Variants in HACL1 observed in about 807,000 individuals in gnomAD.
HACL1 encodes 2-hydroxyacyl-CoA lyase 1.
Under a neutral mutation model 74.2 loss-of-function variants are expected in HACL1, and 64 were observed. The ratio of observed to expected loss-of-function variants is 0.86; its 90% CI spans 0.70 to 1.06. The LOEUF (loss-of-function observed/expected upper bound fraction) is 1.06, where lower values mean the gene tolerates loss of function less well. Ranked by LOEUF, HACL1 falls within the 50% of genes least tolerant of loss-of-function variation. The pLI, the probability that HACL1 is intolerant of heterozygous loss-of-function variation, is 0.00. For synonymous variants in HACL1, 230 were observed against 238.8 expected (o/e 0.96, Z 0.34); for missense variants, 728 against 719.7 (o/e 1.01, Z -0.13).
At chr3:15,589,666 A>C in intron 4 of HACL1, 54 bp from the exon 5 acceptor site, 1 of 992,480 alleles carries the variant, frequency 1.0e-6, no homozygotes, top group Non-Finnish European at 1.6e-6. Context: ...ATCATGTAAA[A>C]CACTAAACAC....
At chr3:15,570,245 G>A (rs935347516) in intron 12 of HACL1, among the ~76,000 whole-genome samples, 1 of 151,332 alleles carries the variant, frequency 6.6e-6, no homozygotes, top group Non-Finnish European at 1.5e-5. Context: ...TGATGCAGGA[G>A]AATTGCTTAA....
chr3:15,600,539 A>G (rs2064189617), intron 2 of HACL1, among the ~76,000 whole-genome samples: 1 of 152,206 alleles, frequency 6.6e-6, no homozygotes, highest in African/African-American at 2.4e-5. Context: ...AAAAAGCATC[A>G]GGCTAGGATC....
intron 10 of HACL1, 57 bp from the exon 11 acceptor site, chr3:15,573,299 A>G: frequency 1.0e-6 from 1 of 976,594 alleles, no homozygotes; most frequent in South Asian, 1.3e-5. Context: ...AATATGTAAG[A>G]AGGCAATTAC....
Position 15,591,886 on chromosome 3 carries a change from GTATA to G in HACL1, c.228-210_228-207del, listed in dbSNP as rs201660306. Among the ~76,000 whole-genome samples the G allele has an allele frequency of 9.3e-3, 1,382 of 148,766 alleles. 15 individuals are homozygous for G. Among genetic ancestry groups the G allele is most frequent in the African/African-American group, 0.032 (1,314 of 40,464 alleles). ...GATATATATACATACACACATATAC[GTATA>G]TAGTGTATACACTATATATGTATAT... is the stretch of plus-strand genomic sequence containing the variant. On this transcript the variant is annotated intron_variant, in intron 3 of 16. Coordinates refer to ENST00000321169, the MANE Select transcript of HACL1 (RefSeq NM_012260.4).
At chr3:15,561,957 G>A (rs1315767631) in intron 16 of HACL1, among the ~76,000 whole-genome samples, 5 of 152,218 alleles carry the variant, frequency 3.3e-5, no homozygotes, top group Non-Finnish European at 7.3e-5. Flanking sequence ...TGGGATTACC[G>A]TGCCCAGCCA....
In HACL1 at chr3:15,568,489, C is replaced by A. The variant is rs765889307; in HGVS notation, c.1193G>T (p.Gly398Val). ...CCGTCCAATGTCCATAGTATTTGCT[C>A]CTTCACTTACCACGAAACAGTCTCT... The part of the protein sequence containing the change: ...LPRDCFVVSE[G>V]ANTMDIGRTV... Residue 398 changes from glycine (G) to valine (V), a missense_variant, in exon 13 of 17, where the codon GGA becomes GTA. Transcript: ENST00000321169. The A allele has an allele frequency of 1.0e-5, 16 of 1,603,962 alleles. No homozygotes were observed. Among genetic ancestry groups the A allele is most frequent in the Admixed American group, 1.7e-5 (1 of 59,910 alleles).
chr3:15,593,193 A>G (rs1441408873), intron 3 of HACL1, among the ~76,000 whole-genome samples: 2 of 148,648 alleles, frequency 1.3e-5, no homozygotes, highest in African/African-American at 5.0e-5. Flanking sequence ...ACACACATAT[A>G]TATGTGCGTG....
rs2063799438 is a variant in HACL1, at chr3:15,586,596, C to T, written c.388G>A (p.Ala130Thr). The T allele has an allele frequency of 1.9e-6, 3 of 1,572,472 alleles. No individual in the cohort carries two copies. The highest frequency in any genetic ancestry group is 2.6e-6 in the Non-Finnish European group (3 of 1,143,472). ...GAFQEFPQVE[A>T]CRLYTKFSAR... ...GAGAACTTGGTATATAATCTACAAGCTTCAACCTACATGGAAAATGAAAAT... is the reference window on the plus strand; with the variant it reads ...GAGAACTTGGTATATAATCTACAAGTTTCAACCTACATGGAAAATGAAAAT... Residue 130 changes from alanine (A) to threonine (T), a missense_variant, in exon 6 of 17, where the codon GCT (alanine) becomes ACT (threonine). Physicochemically the swap from Ala to Thr is moderately conservative, Grantham distance 58. Coordinates refer to ENST00000321169, the MANE Select transcript of HACL1 (RefSeq NM_012260.4).
chr3:15,591,006 G>C (rs1182552654), intron 4 of HACL1, among the ~76,000 whole-genome samples: 1 of 152,156 alleles, frequency 6.6e-6, no homozygotes, highest in Non-Finnish European at 1.5e-5. Context: ...ACTTGAACCT[G>C]GGAGGCAGAG....
Position 15,586,523 on chromosome 3 carries a change from A to C in HACL1, c.459+2T>G. Reference sequence around the variant, plus strand: ...TGGAGAGCTTGTTATTAAATACTGTACCTTTTCAATAACAAAAGGAATAGC... The same window carrying C: ...TGGAGAGCTTGTTATTAAATACTGTCCCTTTTCAATAACAAAAGGAATAGC... On this transcript the variant is annotated splice_donor_variant, in intron 6 of 16. Coordinates refer to ENST00000321169, the MANE Select transcript of HACL1 (RefSeq NM_012260.4). LOFTEE classifies it high-confidence loss of function. 2.0e-6 allele frequency: 3 copies of C among 1,517,722 alleles called. No individual in the cohort carries two copies. The highest frequency in any genetic ancestry group is 2.7e-6 in the Non-Finnish European group (3 of 1,094,112). The allele number at this position is 1,517,722 out of a possible 1,614,324, so 94.0% of individuals were successfully genotyped here.
At position 15,601,531 on chromosome 3, in the gene HACL1, G is replaced by C. The variant is rs772168842; in HGVS notation, c.-68C>G. On this transcript the variant is annotated 5_prime_UTR_variant, in exon 1 of 17. Coordinates refer to ENST00000321169, the MANE Select transcript of HACL1 (RefSeq NM_012260.4). ...AGCGGAATCATCCAGCAAGGCAAAC[G>C]CGAAATCGGCAGCACGCCACCTCTG... The C allele has an allele frequency of 2.4e-5, 38 of 1,607,846 alleles. No homozygotes were observed. The East Asian group carries it at 4.9e-4, about 21-fold the overall frequency.
At chr3:15,574,257 T>C (rs1467986929) in intron 10 of HACL1, among the ~76,000 whole-genome samples, 2 of 152,180 alleles carry the variant, frequency 1.3e-5, no homozygotes, top group Non-Finnish European at 2.9e-5. Context: ...AGTCCCAGCA[T>C]GTCAGGAAGC....
chr3:15,565,319 G>T (rs961375619), intron 14 of HACL1, among the ~76,000 whole-genome samples: 2 of 152,100 alleles, frequency 1.3e-5, no homozygotes, highest in Admixed American at 1.3e-4. Flanking sequence ...ACTTCTAGTT[G>T]GTTCCTAGGA....
chr3:15,600,964 T>C, intron 2 of HACL1, 126 bp downstream of exon 2: 1 of 668,898 alleles, frequency 1.5e-6, no homozygotes, highest in Non-Finnish European at 2.8e-6. Context: ...TATTCAACAG[T>C]GATTGATATG....
intron 12 of HACL1, among the ~76,000 whole-genome samples, chr3:15,569,791 G>A (rs574471063): frequency 6.6e-6 from 1 of 150,420 alleles, no homozygotes; most frequent in East Asian, 2.0e-4. Context: ...TTGCACTCCA[G>A]CCTGGGCAAC....
chr3:15,580,027 G>T lies in HACL1; in HGVS notation c.686C>A (p.Ala229Glu), dbSNP rs1559554298. 1 of 1,611,786 alleles carries T rather than the reference G, an allele frequency of 6.2e-7. No individual in the cohort carries two copies. Among genetic ancestry groups the T allele is most frequent in the Non-Finnish European group, 8.5e-7 (1 of 1,177,976 alleles). ...CACCAATTTCTTGATACTCTCTTCTGCATGAGCGTAAGCAGCACCTATAAG... is the reference window on the plus strand; with the variant it reads ...CACCAATTTCTTGATACTCTCTTCTTCATGAGCGTAAGCAGCACCTATAAG... ...IIGKGAAYAH[A>E]EESIKKLVEQ... Residue 229 changes from alanine to glutamate, a missense_variant, in exon 9 of 17, where the codon GCA (alanine) becomes GAA (glutamate). Physicochemically the swap from Ala to Glu is moderately radical, Grantham distance 107. Coordinates refer to ENST00000321169, the MANE Select transcript of HACL1 (RefSeq NM_012260.4).
intron 2 of HACL1, among the ~76,000 whole-genome samples, chr3:15,596,885 G>C (rs1322285637): frequency 1.3e-5 from 2 of 151,854 alleles, no homozygotes; most frequent in Non-Finnish European, 1.5e-5. Flanking sequence ...CAGTCATTTT[G>C]AATTTGATTT....
chr3:15,598,799 C>T (rs1180965496), intron 2 of HACL1, among the ~76,000 whole-genome samples: 1 of 152,218 alleles, frequency 6.6e-6, no homozygotes, highest in Non-Finnish European at 1.5e-5. Flanking sequence ...AGTTCAGGTA[C>T]CATTTAAGTC....
chr3:15,595,543 G>A (rs1219285286), intron 3 of HACL1, among the ~76,000 whole-genome samples: 1 of 150,704 alleles, frequency 6.6e-6, no homozygotes, highest in Non-Finnish European at 1.5e-5. Context: ...GAAAAAACTG[G>A]AAGAAAATGA....
Sources: allele counts gnomAD v4.1 joint callset (sites outside exome capture counted in the v4.1 genomes callset), GRCh38; gene constraint gnomAD v4.1.1; transcripts MANE v1.5; gene names NCBI Gene and HGNC (gene_info 2026-07-23, HGNC 2026-07-21).